Variants in ENDOD1 observed in about 807,000 individuals in gnomAD.
ENDOD1 encodes endonuclease domain-containing 1 protein.
Under a neutral mutation model 6.5 loss-of-function variants are expected in ENDOD1, and 9 were observed. The ratio of observed to expected loss-of-function variants is 1.39; its 90% CI spans 0.84 to 2.43. ENDOD1 has a LOEUF of 2.43. Ranked by LOEUF, ENDOD1 falls within the 30% of genes most tolerant of loss-of-function variation. The pLI is 0.00. For synonymous variants in ENDOD1, 255 were observed against 255.2 expected, an observed-to-expected ratio of 1.00 and a Z score of 0.01; for missense variants, 648 against 635.5, an observed-to-expected ratio of 1.02 and a Z score of -0.21.
At chr11:95,092,875 T>A (rs1449820541) in intron 1 of ENDOD1, among the ~76,000 whole-genome samples, 1 of 152,248 alleles carries the variant, frequency 6.6e-6, no homozygotes, top group Non-Finnish European at 1.5e-5. Flanking sequence ...TTTATAATGC[T>A]GAGTCTCCTT....
intron 1 of ENDOD1, among the ~76,000 whole-genome samples, chr11:95,095,143 C>A (rs533785983): frequency 6.6e-6 from 1 of 152,256 alleles, no homozygotes; most frequent in Non-Finnish European, 1.5e-5. Flanking sequence ...AATATCTATC[C>A]ATGTATCTTC....
intron 1 of ENDOD1, among the ~76,000 whole-genome samples, chr11:95,100,237 G>A (rs1395443274): frequency 1.3e-5 from 2 of 152,084 alleles, no homozygotes; most frequent in Non-Finnish European, 2.9e-5. Flanking sequence ...ATCTATCTAA[G>A]TCTCTGCAAG....
chr11:95,129,165 T>C lies in ENDOD1; in HGVS notation c.1089T>C (p.Cys363=), dbSNP rs1565450182. 1 of 1,614,168 alleles carries C rather than the reference T, an allele frequency of 6.2e-7. No individual in the cohort carries two copies. The highest frequency in any genetic ancestry group is 8.5e-7 in the Non-Finnish European group (1 of 1,180,030). ...AGAACATTGTCTATTTCCTGTGGTG[T>C]GTTACCAAGCAGGTGATTAATGGCA... The part of the protein sequence containing the change: ...ILKNIVYFLW[C]VTKQVINGIE... Residue 363 remains cysteine, a synonymous_variant, in exon 2 of 2, where the codon TGT becomes TGC. Transcript: ENST00000278505.
chr11:95,096,227 CTTTT>C (rs10660230), intron 1 of ENDOD1, among the ~76,000 whole-genome samples: 182 of 49,924 alleles, frequency 3.6e-3, no homozygotes, highest in Non-Finnish European at 4.5e-3. Flanking sequence ...GTCAAGAAAG[CTTTT>C]TTTTTTTTTT....
rs1258449868 is a variant in ENDOD1, at chr11:95,132,591, A to G, written c.*3012A>G. 6.6e-6 allele frequency: 1 copy of G among 152,214 alleles called. No individual in the cohort carries two copies. The highest frequency in any genetic ancestry group is 1.5e-5 in the Non-Finnish European group (1 of 68,042). The allele number at this position is 152,214 out of a possible 1,614,324, so 9.4% of individuals were successfully genotyped here. A position where few individuals can be genotyped will look rare whatever the true frequency, so the allele number is the denominator to read the frequency against. On this transcript the variant is annotated 3_prime_UTR_variant, in exon 2 of 2. Coordinates refer to ENST00000278505, the MANE Select transcript of ENDOD1 (RefSeq NM_015036.3). ...GACAAAACTCAATTTGACATTTTCAAGCTATGTACAATGATGTGCACCTTG... is the reference window on the plus strand; with the variant it reads ...GACAAAACTCAATTTGACATTTTCAGGCTATGTACAATGATGTGCACCTTG...
In ENDOD1 at chr11:95,130,994, T is replaced by C. The variant is rs1859365316; in HGVS notation, c.*1415T>C. On this transcript the variant is annotated 3_prime_UTR_variant, in exon 2 of 2. Coordinates refer to ENST00000278505, the MANE Select transcript of ENDOD1 (RefSeq NM_015036.3). Reference sequence around the variant, plus strand: ...CCGCCCAGGATCAATCAGAAAGTTATATGCAAAAATTCGGGGTCCCAACAA... The same window carrying C: ...CCGCCCAGGATCAATCAGAAAGTTACATGCAAAAATTCGGGGTCCCAACAA... The C allele has an allele frequency of 6.6e-6, 1 of 152,250 alleles. No individual in the cohort carries two copies. The highest frequency in any genetic ancestry group is 1.5e-5 in the Non-Finnish European group (1 of 68,032). The allele number at this position is 152,250 out of a possible 1,614,324, so 9.4% of individuals were successfully genotyped here.
chr11:95,110,816 G>C (rs1225117147), intron 1 of ENDOD1, among the ~76,000 whole-genome samples: 2 of 152,052 alleles, frequency 1.3e-5, no homozygotes, highest in African/African-American at 4.8e-5. Context: ...TCTCAGCTGG[G>C]ACACCTGATC....
In ENDOD1 at chr11:95,129,214, G is replaced by C; in HGVS notation, c.1138G>C (p.Gly380Arg). The C allele has an allele frequency of 6.2e-7, 1 of 1,614,154 alleles. No individual in the cohort carries two copies. The highest frequency in any genetic ancestry group is 8.5e-7 in the Non-Finnish European group (1 of 1,180,034). The change falls in exon 2 of 2, where the codon GGC (glycine) becomes CGC (arginine). Residue 380 changes from glycine (G) to arginine (R), a missense_variant. By Grantham distance (125) the Gly-to-Arg change is moderately radical (BLOSUM62 -2). Transcript: ENST00000278505. Reference protein sequence around the residue: ...NGIESCLYRLGSATISYFMAI... With the variant: ...NGIESCLYRLRSATISYFMAI... ...CATAGAAAGTTGCCTTTACCGCCTGGGCTCAGCCACCATCTCATACTTCAT... is the reference window on the plus strand; with the variant it reads ...CATAGAAAGTTGCCTTTACCGCCTGCGCTCAGCCACCATCTCATACTTCAT...
intron 1 of ENDOD1, among the ~76,000 whole-genome samples, chr11:95,091,338 A>G (rs1229225345): frequency 6.6e-6 from 1 of 152,152 alleles, no homozygotes; most frequent in Non-Finnish European, 1.5e-5. Flanking sequence ...TCTCATTCAG[A>G]TATTTCTAGC....
At chr11:95,117,105 G>T (rs924340996) in intron 1 of ENDOD1, among the ~76,000 whole-genome samples, 3 of 152,172 alleles carry the variant, frequency 2.0e-5, no homozygotes, top group Non-Finnish European at 4.4e-5. Flanking sequence ...TCTCTCTTTA[G>T]CTCTAATAAT....
rs774820873 is a variant in ENDOD1 at position 95,129,242 on chromosome 11, C to T, written c.1166C>T (p.Ala389Val). 6 of 1,614,176 alleles carry T rather than the reference C, an allele frequency of 3.7e-6. No individual in the cohort carries two copies. Among genetic ancestry groups the T allele is most frequent in the Non-Finnish European group, 8.5e-7 (1 of 1,180,038 alleles). ...LGSATISYFM[A>V]IGEELVSIPW... ...TCAGCCACCATCTCATACTTCATGGCCATTGGGGAAGAGTTGGTGAGCATT... is the reference window on the plus strand; with the variant it reads ...TCAGCCACCATCTCATACTTCATGGTCATTGGGGAAGAGTTGGTGAGCATT... The change falls in exon 2 of 2, where the codon GCC (alanine) becomes GTC (valine). Residue 389 changes from alanine to valine, a missense_variant. By Grantham distance (64) the Ala-to-Val change is moderately conservative. Coordinates refer to ENST00000278505, the MANE Select transcript of ENDOD1 (RefSeq NM_015036.3).
chr11:95,106,579 T>G (rs782723619), intron 1 of ENDOD1, among the ~76,000 whole-genome samples: 10 of 152,182 alleles, frequency 6.6e-5, no homozygotes, highest in Non-Finnish European at 1.2e-4. Flanking sequence ...GACTTCTCAC[T>G]CCACCTAGGA....
In ENDOD1 at chr11:95,129,104, T is replaced by C. The variant is rs1157750088; in HGVS notation, c.1028T>C (p.Phe343Ser). Residue 343 changes from phenylalanine to serine, a missense_variant, in exon 2 of 2, where the codon TTT becomes TCT. Transcript: ENST00000278505. ...ATTGCTACCCCATTCATCAAGCTTT[T>C]TCAATTAATTTATTACCTTGTGGTA... ...GFIATPFIKL[F>S]QLIYYLVVAI... The C allele has an allele frequency of 1.9e-6, 3 of 1,614,036 alleles. No individual in the cohort carries two copies. Among genetic ancestry groups the C allele is most frequent in the Non-Finnish European group, 2.5e-6 (3 of 1,180,042 alleles).
intron 1 of ENDOD1, among the ~76,000 whole-genome samples, chr11:95,104,275 C>T (rs1019034755): frequency 6.6e-6 from 1 of 151,956 alleles, no homozygotes; most frequent in African/African-American, 2.4e-5. Context: ...GGGGAAACCC[C>T]GTCTCTACTA....
intron 1 of ENDOD1, among the ~76,000 whole-genome samples, chr11:95,095,043 GCA>G (rs56010766): frequency 0.063 from 9,312 of 147,106 alleles, 361 homozygotes; most frequent in African/African-American, 0.12. Context: ...GCGTGTGCAC[GCA>G]CACACACACA....
chr11:95,116,753 G>A (rs1555112526), intron 1 of ENDOD1, among the ~76,000 whole-genome samples: 1 of 152,084 alleles, frequency 6.6e-6, no homozygotes, highest in Non-Finnish European at 1.5e-5. Context: ...TTGACCCACT[G>A]GTCATTCAGG....
intron 1 of ENDOD1, among the ~76,000 whole-genome samples, chr11:95,109,831 C>T (rs78395601): frequency 0.032 from 4,894 of 152,364 alleles, 107 homozygotes; most frequent in Non-Finnish European, 0.044. Flanking sequence ...TTCACATCAG[C>T]GGTGCCATTA....
chr11:95,115,845 G>T (rs1395084388), intron 1 of ENDOD1, among the ~76,000 whole-genome samples: 1 of 152,068 alleles, frequency 6.6e-6, no homozygotes, highest in Non-Finnish European at 1.5e-5. Flanking sequence ...AATCCCACCT[G>T]GTCATGATGA....
At chr11:95,126,670 C>A (rs541889397) in intron 1 of ENDOD1, among the ~76,000 whole-genome samples, 2 of 152,006 alleles carry the variant, frequency 1.3e-5, no homozygotes, top group Non-Finnish European at 2.9e-5. Flanking sequence ...CTTTATAATT[C>A]CAAGTGCTTT....
Sources: allele counts gnomAD v4.1 joint callset (sites outside exome capture counted in the v4.1 genomes callset), GRCh38; gene constraint gnomAD v4.1.1; transcripts MANE v1.5; gene names NCBI Gene and HGNC (gene_info 2026-07-23, HGNC 2026-07-21).